Variants in SATB2 observed in about 807,000 individuals in gnomAD.
The protein encoded by SATB2 is SATB homeobox 2, also known as DNA-binding protein SATB2.
In SATB2, 1 loss-of-function variant was observed where a neutral mutation model predicts 73.4. The ratio of observed to expected loss-of-function variants is 0.01; its 90% confidence interval spans 0.00 to 0.06. SATB2 has a LOEUF of 0.06. SATB2 is among the 10% of genes least tolerant of loss of function. The pLI, the probability that SATB2 is intolerant of heterozygous loss-of-function variation, is 1.00. For missense variants in SATB2, 459 were observed against 945.8 expected (o/e 0.49, Z 6.75); for synonymous variants, 397 against 367.0 (o/e 1.08, Z -0.93).
intron 3 of SATB2, 29 bp from the exon 4 acceptor site, chr2:199,381,849 A>C: frequency 6.2e-7 from 1 of 1,612,512 alleles, no homozygotes; most frequent in South Asian, 1.1e-5. Context: ...CATAATAAAC[A>C]CATATCTGCT....
intron 3 of SATB2, among the ~76,000 whole-genome samples, chr2:199,397,277 A>T (rs1303361875): frequency 6.6e-6 from 1 of 152,228 alleles, no homozygotes; most frequent in Non-Finnish European, 1.5e-5. Flanking sequence ...TGCCTAATAG[A>T]GAAAAATAGT....
chr2:199,278,747 C>T (rs971514296), intron 10 of SATB2, among the ~76,000 whole-genome samples: 1 of 152,172 alleles, frequency 6.6e-6, no homozygotes, highest in African/African-American at 2.4e-5. Context: ...CAAATAGCAA[C>T]ATTGTCATAA....
intron 3 of SATB2, among the ~76,000 whole-genome samples, chr2:199,387,049 T>C (rs1484413429): frequency 6.6e-6 from 1 of 152,196 alleles, no homozygotes; most frequent in Non-Finnish European, 1.5e-5. Flanking sequence ...TTTATGTTAC[T>C]TTACAGTTTG....
At chr2:199,350,613 T>C (rs1361152001) in intron 6 of SATB2, among the ~76,000 whole-genome samples, 2 of 152,226 alleles carry the variant, frequency 1.3e-5, no homozygotes, top group Non-Finnish European at 2.9e-5. Flanking sequence ...AACTATTTTA[T>C]ATCCATGTCT....
chr2:199,392,088 C>G (rs1467035273), intron 3 of SATB2, among the ~76,000 whole-genome samples: 3 of 152,090 alleles, frequency 2.0e-5, no homozygotes, highest in Non-Finnish European at 2.9e-5. Context: ...TCATCCTGGC[C>G]TCTGAAACAA....
intron 1 of SATB2, among the ~76,000 whole-genome samples, chr2:199,456,779 C>T (rs937445035): frequency 8.5e-5 from 13 of 152,230 alleles, no homozygotes; most frequent in Non-Finnish European, 1.9e-4. Context: ...TTCTTATCTT[C>T]ATCTGATCCC....
intron 3 of SATB2, among the ~76,000 whole-genome samples, chr2:199,411,713 T>C (rs1690825029): frequency 1.3e-5 from 2 of 152,238 alleles, no homozygotes; most frequent in South Asian, 2.1e-4. Flanking sequence ...TGGCAAGTCA[T>C]AGGTGTGGAC....
chr2:199,346,586 T>C (rs998194812), intron 7 of SATB2, among the ~76,000 whole-genome samples: 1 of 152,352 alleles, frequency 6.6e-6, no homozygotes, highest in East Asian at 1.9e-4. Context: ...AGAAAAAATG[T>C]ATTAACTGAC....
At chr2:199,433,536 G>A (rs1392899740) in intron 2 of SATB2, 22 bp from the exon 3 acceptor site, 5 of 1,611,336 alleles carry the variant, frequency 3.1e-6, no homozygotes, top group Non-Finnish European at 4.2e-6. Flanking sequence ...AAATTCAAGA[G>A]CAAAACACAA....
intron 3 of SATB2, among the ~76,000 whole-genome samples, chr2:199,394,017 T>TTG (rs1350292522): frequency 6.6e-6 from 1 of 152,202 alleles, no homozygotes; most frequent in Non-Finnish European, 1.5e-5. Context: ...ATAAATATAA[T>TTG]TGTATTCATT....
intron 3 of SATB2, among the ~76,000 whole-genome samples, chr2:199,392,678 C>A (rs780310648): frequency 6.6e-6 from 1 of 152,138 alleles, no homozygotes; most frequent in Admixed American, 6.5e-5. Flanking sequence ...AGCTCTGCAT[C>A]TGTGGATAAC....
At chr2:199,374,579 AC>A (rs1156926754) in intron 5 of SATB2, among the ~76,000 whole-genome samples, 1 of 152,232 alleles carries the variant, frequency 6.6e-6, no homozygotes, top group East Asian at 1.9e-4. Context: ...TGTATATTTT[AC>A]CATAAGAAAA....
chr2:199,319,445 C>T (rs1364332427), intron 9 of SATB2, among the ~76,000 whole-genome samples: 4 of 152,200 alleles, frequency 2.6e-5, no homozygotes, highest in South Asian at 2.1e-4. Flanking sequence ...GGCACTACCC[C>T]CTTTCATTAT....
At chr2:199,369,446 T>C (rs1689379689) in intron 5 of SATB2, among the ~76,000 whole-genome samples, 1 of 152,158 alleles carries the variant, frequency 6.6e-6, no homozygotes, top group Non-Finnish European at 1.5e-5. Context: ...AAAATTATAA[T>C]TACACACCTT....
At chr2:199,389,583 A>C (rs936636920) in intron 3 of SATB2, among the ~76,000 whole-genome samples, 18 of 152,172 alleles carry the variant, frequency 1.2e-4, no homozygotes, top group Non-Finnish European at 1.9e-4. Context: ...ATTTATCTAA[A>C]AATCAAGAGA....
At chr2:199,465,531 C>T (rs1396527986), upstream of SATB2, among the ~76,000 whole-genome samples, 1 of 152,134 alleles carries the variant, frequency 6.6e-6, no homozygotes, top group Non-Finnish European at 1.5e-5. Context: ...TCTTGAAAAC[C>T]AGTTCTTAAT....
intron 6 of SATB2, among the ~76,000 whole-genome samples, chr2:199,359,498 CT>C (rs1024939987): frequency 3.3e-5 from 5 of 152,066 alleles, no homozygotes; most frequent in Non-Finnish European, 7.4e-5. Flanking sequence ...ATTTTTCTTT[CT>C]TTTTTTTCTC....
chr2:199,279,935 G>C (rs1241101120), intron 10 of SATB2, among the ~76,000 whole-genome samples: 1 of 152,150 alleles, frequency 6.6e-6, no homozygotes, highest in Non-Finnish European at 1.5e-5. Flanking sequence ...GAGTTCAGGA[G>C]TTCAAGACCA....
At chr2:199,421,352 C>T (rs74786216) in intron 3 of SATB2, among the ~76,000 whole-genome samples, 4,369 of 152,216 alleles carry the variant, frequency 0.029, 234 homozygotes, top group African/African-American at 0.1. Context: ...GGATTACAAC[C>T]CATCACTCCA....
Sources: allele counts gnomAD v4.1 joint callset (sites outside exome capture counted in the v4.1 genomes callset), GRCh38; gene constraint gnomAD v4.1.1; transcripts MANE v1.5; gene names NCBI Gene and HGNC (gene_info 2026-07-23, HGNC 2026-07-21).